CNOT7: variants seen among roughly 807,000 people sequenced by gnomAD.
CNOT7 encodes BTG1-binding factor 1.
A neutral mutation model predicts 37.1 loss-of-function variants in CNOT7; 4 were observed. That is an observed-to-expected ratio of 0.11 (90% CI 0.05 to 0.25). CNOT7 has a LOEUF of 0.25. CNOT7 is among the 10% of genes least tolerant of loss of function. The probability of loss-of-function intolerance (pLI) is 1.00; values close to 1 mark genes in which losing one functional copy is unlikely to be tolerated. For missense variants in CNOT7, 170 were observed against 336.2 expected (o/e 0.51, Z 3.87); for synonymous variants, 128 against 115.6 (o/e 1.11, Z -0.69).
chr8:17,233,306 G>A (rs1265898665), intron 5 of CNOT7, among the ~76,000 whole-genome samples: 1 of 152,190 alleles, frequency 6.6e-6, no homozygotes, highest in East Asian at 1.9e-4. Flanking sequence ...TGGCCCTTCT[G>A]TGCATCACAG....
Position 17,230,346 on chromosome 8 carries a change from G to T in CNOT7, c.*374C>A, listed in dbSNP as rs1808458463. 1 of 154,402 alleles carries T rather than the reference G, an allele frequency of 6.5e-6. No individual in the cohort carries two copies. Among genetic ancestry groups the T allele is most frequent in the African/African-American group, 2.4e-5 (1 of 41,460 alleles). 9.6% of individuals were successfully genotyped at this position (154,402 alleles called of 1,614,324 possible). Reference sequence around the variant, plus strand: ...AGCTAAAACTCCTGCAGAATGGAAGGGAGAGACGTGAAACAGGGAAATAAA... The same window carrying T: ...AGCTAAAACTCCTGCAGAATGGAAGTGAGAGACGTGAAACAGGGAAATAAA... On this transcript the variant is annotated 3_prime_UTR_variant, in exon 7 of 7. Transcript: ENST00000361272.
In CNOT7 at chr8:17,225,818, GAC is replaced by G. The variant is rs1219314651; in HGVS notation, c.*4900_*4901del. 3.3e-5 allele frequency: 5 copies of G among 151,508 alleles called. No individual in the cohort carries two copies. Among genetic ancestry groups the G allele is most frequent in the African/African-American group, 4.8e-5 (2 of 41,332 alleles). The allele number at this position is 151,508 out of a possible 1,614,324, so 9.4% of individuals were successfully genotyped here. A position where few individuals can be genotyped will look rare whatever the true frequency, so the allele number is the denominator to read the frequency against. On this transcript the variant is annotated 3_prime_UTR_variant, in exon 7 of 7. Transcript: ENST00000361272. The stretch of plus-strand genomic sequence containing the variant: ...GAACTGGCCTTCACTACAAAGCACC[GAC>G]ACACAGAATAATCAGCATTTTTCCT...
chr8:17,239,511 T>C (rs2150993234), intron 3 of CNOT7, among the ~76,000 whole-genome samples: 1 of 152,336 alleles, frequency 6.6e-6, no homozygotes, highest in South Asian at 2.1e-4. Flanking sequence ...ATTTTTCTTT[T>C]TTGAGACGGA....
chr8:17,234,640 T>A lies in CNOT7; in HGVS notation c.618+76A>T, dbSNP rs374349961. On this transcript the variant is annotated intron_variant, in intron 5 of 6. Coordinates refer to ENST00000361272, the MANE Select transcript of CNOT7 (RefSeq NM_013354.7). ...CTTTAAAATATGGTTTAAAACAACATCCCAGCCTAGGCTCGCATGACAGTC... is the reference window on the plus strand; with the variant it reads ...CTTTAAAATATGGTTTAAAACAACAACCCAGCCTAGGCTCGCATGACAGTC... The A allele has an allele frequency of 2.7e-5, 39 of 1,454,340 alleles. No homozygotes were observed. The East Asian group carries it at 6.6e-4, about 25-fold the overall frequency. The allele number at this position is 1,454,340 out of a possible 1,614,324, so 90.1% of individuals were successfully genotyped here.
At chr8:17,231,564 A>C in intron 6 of CNOT7, 3 of 985,248 alleles carry the variant, frequency 3.0e-6, no homozygotes, top group Non-Finnish European at 3.6e-6. Flanking sequence ...TGCTACAAAA[A>C]GTTTTAAATT....
intron 2 of CNOT7, chr8:17,244,703 C>T (rs1001862490): frequency 5.2e-6 from 1 of 192,726 alleles, no homozygotes; most frequent in Admixed American, 6.1e-5. Context: ...CCCAGCTTCC[C>T]GAACACATCC....
chr8:17,242,374 A>G (rs1810301497), intron 3 of CNOT7: 1 of 152,196 alleles, frequency 6.6e-6, no homozygotes. Context: ...ACTTCTATTA[A>G]TAATACAGAA....
At chr8:17,242,256 T>C (rs775160519) in intron 3 of CNOT7, 5 of 152,222 alleles carry the variant, frequency 3.3e-5, no homozygotes, top group Non-Finnish European at 5.9e-5. Context: ...AAAATGTCAT[T>C]TGAGGTCCTG....
chr8:17,230,867 GAA>G lies in CNOT7; in HGVS notation c.730-21_730-20del. The G allele has an allele frequency of 2.2e-6, 3 of 1,391,482 alleles. No homozygotes were observed. The highest frequency in any genetic ancestry group is 1.4e-5 in the South Asian group (1 of 71,564). 86.2% of individuals were successfully genotyped at this position (1,391,482 alleles called of 1,614,324 possible). A position where few individuals can be genotyped will look rare whatever the true frequency, so the allele number is the denominator to read the frequency against. ...AGAACATCTAAAAAGGAATTTTGAA[GAA>G]AAAAAAAAGATAATTTTAACCAAAA... On this transcript the variant is annotated intron_variant, in intron 6 of 6. Transcript: ENST00000361272.
intron 3 of CNOT7, 129 bp from the exon 4 acceptor site, chr8:17,237,502 T>C (rs1457535113): frequency 1.4e-6 from 1 of 718,272 alleles, no homozygotes; most frequent in African/African-American, 1.8e-5. Flanking sequence ...CCTGTTTCAA[T>C]GCTTTATATA....
intron 4 of CNOT7, among the ~76,000 whole-genome samples, chr8:17,235,987 G>A (rs191476424): frequency 6.6e-6 from 1 of 152,038 alleles, no homozygotes; most frequent in Non-Finnish European, 1.5e-5. Context: ...AAAAGGGAAG[G>A]GCAATACTTT....
intron 4 of CNOT7, among the ~76,000 whole-genome samples, chr8:17,236,871 G>T (rs1333134602): frequency 6.6e-6 from 1 of 152,074 alleles, no homozygotes; most frequent in African/African-American, 2.4e-5. Flanking sequence ...GGTTTCCCCC[G>T]TAGAACATTA....
rs1459767124 is a variant in CNOT7 at position 17,230,623 on chromosome 8, A to G, written c.*97T>C. 84 of 1,000,424 alleles carry G rather than the reference A, an allele frequency of 8.4e-5. No individual in the cohort carries two copies. Among genetic ancestry groups the G allele is most frequent in the East Asian group, 1.7e-4 (6 of 35,866 alleles). The allele number at this position is 1,000,424 out of a possible 1,614,324, so 62.0% of individuals were successfully genotyped here. On this transcript the variant is annotated 3_prime_UTR_variant, in exon 7 of 7. Transcript: ENST00000361272. Reference sequence around the variant, plus strand: ...TAAAATGGGCCATGAAAGGGGGGGGAAAGGTACTGTCTATTGTTCGAGGGA... The same window carrying G: ...TAAAATGGGCCATGAAAGGGGGGGGGAAGGTACTGTCTATTGTTCGAGGGA...
intron 2 of CNOT7, among the ~76,000 whole-genome samples, chr8:17,244,055 T>A (rs1233194502): frequency 3.3e-5 from 5 of 152,244 alleles, no homozygotes; most frequent in Admixed American, 6.5e-5. Context: ...AATATTTCTC[T>A]AAATTCAGTG....
In CNOT7 at chr8:17,228,128, T is replaced by C. The variant is rs1257310954; in HGVS notation, c.*2592A>G. On this transcript the variant is annotated 3_prime_UTR_variant, in exon 7 of 7. Transcript: ENST00000361272. ...TTTCAGATGTCAGGAAATAATCTTT[T>C]GATTATTTTTCCCAACCATTTAAAA... 2 of 151,908 alleles carry C rather than the reference T, an allele frequency of 1.3e-5. No homozygotes were observed. Among genetic ancestry groups the C allele is most frequent in the Non-Finnish European group, 2.9e-5 (2 of 67,830 alleles). 9.4% of individuals were successfully genotyped at this position (151,908 alleles called of 1,614,324 possible).
intron 5 of CNOT7, 41 bp from the exon 6 acceptor site, chr8:17,232,578 T>G: frequency 6.4e-7 from 1 of 1,564,358 alleles, no homozygotes; most frequent in Non-Finnish European, 8.7e-7. Context: ...AGAAAAATCT[T>G]ACAAGGCCTA....
intron 1 of CNOT7, chr8:17,246,126 C>T (rs975469400): frequency 6.6e-6 from 1 of 152,210 alleles, no homozygotes; most frequent in African/African-American, 2.4e-5. Flanking sequence ...AGCACAAAAA[C>T]ACAAAGACTT....
In CNOT7 at chr8:17,227,059, G is replaced by C. The variant is rs1157387071; in HGVS notation, c.*3661C>G. 1.3e-5 allele frequency: 2 copies of C among 151,068 alleles called. No homozygotes were observed. Among genetic ancestry groups the C allele is most frequent in the Admixed American group, 6.6e-5 (1 of 15,142 alleles). The allele number at this position is 151,068 out of a possible 1,614,324, so 9.4% of individuals were successfully genotyped here. A position where few individuals can be genotyped will look rare whatever the true frequency, so the allele number is the denominator to read the frequency against. On this transcript the variant is annotated 3_prime_UTR_variant, in exon 7 of 7. Transcript: ENST00000361272. ...ACTGAAGATGGTTAAGTCCACAAGA[G>C]CAAATGAAGTTAACTGTTGACCAGT...
intron 3 of CNOT7, among the ~76,000 whole-genome samples, chr8:17,239,355 G>A (rs1390712823): frequency 6.6e-6 from 1 of 152,116 alleles, no homozygotes; most frequent in Non-Finnish European, 1.5e-5. Flanking sequence ...ACTGCATCCA[G>A]CCTTCCTTCT....
Sources: allele counts gnomAD v4.1 joint callset (sites outside exome capture counted in the v4.1 genomes callset), GRCh38; gene constraint gnomAD v4.1.1; transcripts MANE v1.5; gene names NCBI Gene and HGNC (gene_info 2026-07-23, HGNC 2026-07-21).